The following EVL variants were observed in gnomAD, a reference collection of about 807,000 sequenced individuals.
EVL encodes the protein Enah/Vasp-like.
EVL carries 21 observed loss-of-function variants against 59.6 expected under a neutral mutation model. The observed-to-expected ratio is 0.35, with a 90% CI of 0.25 to 0.51. The LOEUF (loss-of-function observed/expected upper bound fraction) is 0.51, where lower values mean the gene tolerates loss of function less well. EVL is among the 20% of genes least tolerant of loss of function. The pLI is 0.97. For missense variants in EVL, 462 were observed against 546.6 expected (o/e 0.85, Z 1.54); for synonymous variants, 198 against 203.5 (o/e 0.97, Z 0.23).
chr14:99,997,575 T>C (rs550769899), intron 1 of EVL, among the ~76,000 whole-genome samples: 1 of 152,172 alleles, frequency 6.6e-6, no homozygotes, highest in Non-Finnish European at 1.5e-5. Flanking sequence ...TGTTGTGAAA[T>C]GGAGATAGGT....
chr14:100,104,892 CCT>C (rs1450581236), intron 3 of EVL, among the ~76,000 whole-genome samples: 1 of 144,894 alleles, frequency 6.9e-6, no homozygotes, highest in South Asian at 2.2e-4. Flanking sequence ...TCCAGTTTCT[CCT>C]CTCTTTACTT....
At chr14:100,006,969 A>G (rs1227811836) in intron 1 of EVL, among the ~76,000 whole-genome samples, 1 of 152,092 alleles carries the variant, frequency 6.6e-6, no homozygotes, top group Non-Finnish European at 1.5e-5. Context: ...AAGCACCAGT[A>G]GGAGATTTGT....
At chr14:99,995,897 C>T in intron 1 of EVL, among the ~76,000 whole-genome samples, 1 of 152,156 alleles carries the variant, frequency 6.6e-6, no homozygotes, top group East Asian at 1.9e-4. Context: ...ACTGTTTCCT[C>T]TCTGGTGCTG....
At chr14:100,059,218 A>G (rs1238609739) in intron 1 of EVL, among the ~76,000 whole-genome samples, 2 of 152,220 alleles carry the variant, frequency 1.3e-5, no homozygotes, top group Non-Finnish European at 2.9e-5. Context: ...AATCCCTGCC[A>G]TTTTCAGACA....
At chr14:100,106,507 C>T (rs776493502) in intron 3 of EVL, 14 of 179,600 alleles carry the variant, frequency 7.8e-5, no homozygotes, top group Middle Eastern at 2.1e-3. Flanking sequence ...CCTCCGTCTC[C>T]TAGTGTAGCT....
At chr14:100,135,805 G>A in intron 8 of EVL, 100 bp from the exon 9 acceptor site, 2 of 1,039,110 alleles carry the variant, frequency 1.9e-6, no homozygotes, top group Non-Finnish European at 1.5e-6. Context: ...TGTGTTCATT[G>A]GGAACATTTG....
intron 6 of EVL, 127 bp downstream of exon 6, chr14:100,128,875 C>T: frequency 2.6e-6 from 2 of 755,236 alleles, no homozygotes; most frequent in Non-Finnish European, 4.3e-6. Context: ...AGCTAGCTGG[C>T]CCTTGGCCAC....
At chr14:100,096,344 G>A (rs1343720870) in intron 2 of EVL, among the ~76,000 whole-genome samples, 6 of 152,164 alleles carry the variant, frequency 3.9e-5, no homozygotes, top group Non-Finnish European at 5.9e-5. Context: ...TTTCCATGGC[G>A]TCTCTAAGAG....
intron 4 of EVL, among the ~76,000 whole-genome samples, 187 bp from the exon 5 acceptor site, chr14:100,126,520 G>T (rs1290571224): frequency 6.6e-6 from 1 of 152,198 alleles, no homozygotes; most frequent in Non-Finnish European, 1.5e-5. Flanking sequence ...GCTCCCACTT[G>T]CGGGAGCTGG....
At chr14:100,097,415 G>A (rs896582675) in intron 2 of EVL, 66 bp from the exon 3 acceptor site, 13 of 1,447,668 alleles carry the variant, frequency 9.0e-6, no homozygotes, top group African/African-American at 1.4e-5. Context: ...TTGCTCCATC[G>A]CAGCGCCCTC....
At chr14:100,039,744 C>G (rs1566979423) in intron 1 of EVL, among the ~76,000 whole-genome samples, 4 of 152,096 alleles carry the variant, frequency 2.6e-5, no homozygotes, top group Non-Finnish European at 5.9e-5. Flanking sequence ...ACTCTGTTCT[C>G]TCTGGCTTGT....
chr14:100,061,774 T>G (rs2061839031), upstream of EVL, among the ~76,000 whole-genome samples: 1 of 152,226 alleles, frequency 6.6e-6, no homozygotes, highest in African/African-American at 2.4e-5. Flanking sequence ...TGTATTCTTA[T>G]AATTAAGCTA....
At chr14:100,103,392 T>C (rs1365135171) in intron 3 of EVL, among the ~76,000 whole-genome samples, 1 of 152,094 alleles carries the variant, frequency 6.6e-6, no homozygotes, top group Non-Finnish European at 1.5e-5. Flanking sequence ...AATGTTTTCT[T>C]ACCATCTCTG....
At chr14:100,110,198 C>A (rs1287701840) in intron 3 of EVL, among the ~76,000 whole-genome samples, 4 of 152,094 alleles carry the variant, frequency 2.6e-5, no homozygotes, top group Non-Finnish European at 5.9e-5. Context: ...CATAGCAAGA[C>A]CCTTGTCTCT....
At chr14:99,994,939 A>AT (rs1199104908) in intron 1 of EVL, among the ~76,000 whole-genome samples, 1 of 151,978 alleles carries the variant, frequency 6.6e-6, no homozygotes, top group African/African-American at 2.4e-5. Flanking sequence ...TTTGACAGTT[A>AT]TTTTTTCCTT....
At chr14:100,029,022 T>G (rs1238438602) in intron 1 of EVL, among the ~76,000 whole-genome samples, 1 of 152,250 alleles carries the variant, frequency 6.6e-6, no homozygotes, top group East Asian at 1.9e-4. Context: ...AAGAAGTGTA[T>G]AAATTATAAA....
At chr14:100,031,728 C>T (rs74084446) in intron 1 of EVL, among the ~76,000 whole-genome samples, 8,147 of 152,268 alleles carry the variant, frequency 0.054, 779 homozygotes, top group African/African-American at 0.19. Context: ...TTCCAGATGC[C>T]AGGGTTGACT....
chr14:99,988,359 A>G (rs572970872), intron 1 of EVL, among the ~76,000 whole-genome samples: 1 of 152,198 alleles, frequency 6.6e-6, no homozygotes, highest in Non-Finnish European at 1.5e-5. Flanking sequence ...ATGAAATACC[A>G]TTTCATACTC....
At position 100,113,583 on chromosome 14, in the gene EVL, AG is replaced by A. The variant is rs1887139495; in HGVS notation, c.359-9953del. Among the ~76,000 whole-genome samples the A allele has an allele frequency of 5.9e-5, 9 of 152,042 alleles. No homozygotes were observed. The South Asian group carries it at 1.9e-3, about 32-fold the overall frequency. On this transcript the variant is annotated intron_variant, in intron 3 of 13. Transcript: ENST00000392920. ...TGGGGGAAGGATTTGGGCTAGGAGG[AG>A]GGAAATCAAGGAAGGAATGAGGTGC... is the stretch of plus-strand genomic sequence containing the variant.
Sources: allele counts gnomAD v4.1 joint callset (sites outside exome capture counted in the v4.1 genomes callset), GRCh38; gene constraint gnomAD v4.1.1; transcripts MANE v1.5; gene names NCBI Gene and HGNC (gene_info 2026-07-23, HGNC 2026-07-21).